The following KIAA1549L variants were observed in gnomAD, a reference collection of about 807,000 sequenced individuals.
KIAA1549L encodes the protein UPF0606 protein KIAA1549L.
KIAA1549L carries 88 observed loss-of-function variants against 160.7 expected under a neutral mutation model. The ratio of observed to expected loss-of-function variants is 0.55; its 90% CI spans 0.46 to 0.65. The LOEUF (loss-of-function observed/expected upper bound fraction) is 0.65, where lower values mean the gene tolerates loss of function less well. Ranked by LOEUF, KIAA1549L falls within the 30% of genes least tolerant of loss-of-function variation. The pLI, the probability that KIAA1549L is intolerant of heterozygous loss-of-function variation, is 0.00. For missense variants in KIAA1549L, 2,258 were observed against 2,437.5 expected (o/e 0.93, Z 1.55); for synonymous variants, 950 against 976.7 (o/e 0.97, Z 0.51).
At chr11:33,405,466 GA>G in intron 1 of KIAA1549L, among the ~76,000 whole-genome samples, 2 of 150,270 alleles carry the variant, frequency 1.3e-5, no homozygotes, top group African/African-American at 4.9e-5. Context: ...AAAAATTCCA[GA>G]TTCAATATCC....
chr11:33,538,175 G>A (rs745983536), intron 1 of KIAA1549L, among the ~76,000 whole-genome samples: 45 of 152,278 alleles, frequency 3.0e-4, no homozygotes, highest in Non-Finnish European at 5.1e-4. Context: ...ACCAGATCTC[G>A]TGAGAACTCA....
intron 1 of KIAA1549L, among the ~76,000 whole-genome samples, 175 bp from the exon 2 acceptor site, chr11:33,541,627 C>T (rs544485574): frequency 5.3e-5 from 8 of 152,208 alleles, no homozygotes; most frequent in Non-Finnish European, 1.0e-4. Flanking sequence ...TGTAGGTTCA[C>T]TGCAACATTT....
At chr11:33,591,133 A>G (rs1850039537) in intron 11 of KIAA1549L, 104 bp from the exon 12 acceptor site, 16 of 753,572 alleles carry the variant, frequency 2.1e-5, no homozygotes, top group Middle Eastern at 3.6e-4. Context: ...TTAATTAGAA[A>G]GCTAAGTTTG....
intron 12 of KIAA1549L, among the ~76,000 whole-genome samples, chr11:33,592,050 AG>A (rs1850070655): frequency 1.3e-5 from 2 of 152,200 alleles, no homozygotes; most frequent in South Asian, 4.1e-4. Context: ...AGCCTTGAAA[AG>A]TGAGTGGGAT....
intron 1 of KIAA1549L, among the ~76,000 whole-genome samples, chr11:33,435,263 A>G (rs1218638654): frequency 6.6e-6 from 1 of 152,190 alleles, no homozygotes; most frequent in African/African-American, 2.4e-5. Context: ...TGGAGTACTA[A>G]TGCCTGAGTA....
chr11:33,471,030 A>C (rs1027708083), intron 1 of KIAA1549L, among the ~76,000 whole-genome samples: 2 of 152,056 alleles, frequency 1.3e-5, no homozygotes, highest in Admixed American at 6.6e-5. Context: ...TATGTTGCCC[A>C]GGCTGGTTTC....
intron 1 of KIAA1549L, among the ~76,000 whole-genome samples, chr11:33,451,988 G>T (rs1851729849): frequency 6.6e-6 from 1 of 152,186 alleles, no homozygotes; most frequent in African/African-American, 2.4e-5. Flanking sequence ...CAAGATCACA[G>T]AGCTGAAATT....
chr11:33,451,330 G>C, intron 1 of KIAA1549L, among the ~76,000 whole-genome samples: 1 of 152,290 alleles, frequency 6.6e-6, no homozygotes, highest in East Asian at 1.9e-4. Context: ...GTTGAAGGTG[G>C]ATATTGCTTC....
At chr11:33,418,884 G>GC in intron 1 of KIAA1549L, among the ~76,000 whole-genome samples, 1 of 124,736 alleles carries the variant, frequency 8.0e-6, no homozygotes, top group Non-Finnish European at 1.7e-5. Context: ...TGCATTCCTA[G>GC]CTTTTTTTTT....
intron 12 of KIAA1549L, among the ~76,000 whole-genome samples, chr11:33,596,271 G>C (rs774797007): frequency 2.0e-5 from 3 of 152,202 alleles, no homozygotes; most frequent in Non-Finnish European, 4.4e-5. Flanking sequence ...TTTTTGAACG[G>C]AAGTTTTGAC....
At chr11:33,393,696 G>A (rs569956266) in intron 1 of KIAA1549L, among the ~76,000 whole-genome samples, 1 of 152,340 alleles carries the variant, frequency 6.6e-6, no homozygotes, top group South Asian at 2.1e-4. Context: ...AGGAAGAAGA[G>A]CAGGAAGCAG....
At chr11:33,527,354 T>C (rs909860826) in intron 1 of KIAA1549L, among the ~76,000 whole-genome samples, 1 of 152,198 alleles carries the variant, frequency 6.6e-6, no homozygotes, top group African/African-American at 2.4e-5. Context: ...AAGGATACCT[T>C]ATTCAACAAA....
intron 1 of KIAA1549L, among the ~76,000 whole-genome samples, chr11:33,481,830 T>C (rs763738710): frequency 3.3e-5 from 5 of 152,242 alleles, no homozygotes; most frequent in Non-Finnish European, 7.3e-5. Context: ...TAAGTCTACA[T>C]TGGACATGTT....
At position 33,574,689 on chromosome 11, in the gene KIAA1549L, C is replaced by T. The variant is rs535866867; in HGVS notation, c.4231-13C>T. ...AATGCCCTGCAAACACTCGGCCTCT[C>T]TTTTTCCGAAAGATGGTGAAGATGC... On this transcript the variant is annotated splice_polypyrimidine_tract_variant and intron_variant, in intron 9 of 20. Coordinates refer to ENST00000658780, the MANE Select transcript of KIAA1549L (RefSeq NM_012194.3). 1 of 1,604,102 alleles carries T rather than the reference C, an allele frequency of 6.2e-7. No individual in the cohort carries two copies. Among genetic ancestry groups the T allele is most frequent in the African/African-American group, 1.3e-5 (1 of 74,764 alleles).
intron 11 of KIAA1549L, 134 bp downstream of exon 11, chr11:33,583,635 C>A: frequency 1.3e-6 from 1 of 797,098 alleles, no homozygotes; most frequent in Non-Finnish European, 1.9e-6. Flanking sequence ...TGAAGGAGAT[C>A]CTTCCTTTTA....
At chr11:33,445,858 G>A (rs1241844650) in intron 1 of KIAA1549L, among the ~76,000 whole-genome samples, 1 of 152,188 alleles carries the variant, frequency 6.6e-6, no homozygotes, top group Non-Finnish European at 1.5e-5. Context: ...GCCATGTGGG[G>A]ACACAACAGG....
At chr11:33,430,066 C>T (rs369568334) in intron 1 of KIAA1549L, among the ~76,000 whole-genome samples, 110 of 149,002 alleles carry the variant, frequency 7.4e-4, no homozygotes, top group African/African-American at 2.4e-3. Context: ...CTCTCTCCTC[C>T]GTTCCTCCCT....
chr11:33,408,003 G>GT (rs1301837393), intron 1 of KIAA1549L, among the ~76,000 whole-genome samples: 11 of 150,596 alleles, frequency 7.3e-5, no homozygotes, highest in East Asian at 3.9e-4. Flanking sequence ...TCATCAAGTT[G>GT]TTTTTTTTTC....
chr11:33,604,005 A>G (rs1423437563), intron 13 of KIAA1549L, among the ~76,000 whole-genome samples: 1 of 152,074 alleles, frequency 6.6e-6, no homozygotes, highest in Non-Finnish European at 1.5e-5. Flanking sequence ...TACCTTCTGG[A>G]AAGTTTATCC....
Sources: gnomAD v4.1 joint callset for allele counts (sites outside exome capture counted in the v4.1 genomes callset) on GRCh38, gnomAD v4.1.1 for gene constraint, MANE v1.5 for transcripts, NCBI Gene and HGNC (gene_info 2026-07-23, HGNC 2026-07-21) for gene names.